The following KHDRBS2 variants were observed in gnomAD, a reference collection of about 807,000 sequenced individuals.
KHDRBS2 encodes the protein KH RNA binding domain containing, signal transduction associated 2.
A neutral mutation model predicts 44.3 loss-of-function variants in KHDRBS2; 26 were observed. That is an observed-to-expected ratio of 0.59 (90% CI 0.43 to 0.81). The LOEUF (loss-of-function observed/expected upper bound fraction) is 0.81, where lower values mean the gene tolerates loss of function less well. KHDRBS2 is among the 40% of genes least tolerant of loss of function. The pLI, the probability that KHDRBS2 is intolerant of heterozygous loss-of-function variation, is 0.00. For missense variants in KHDRBS2, 476 were observed against 433.1 expected, an observed-to-expected ratio of 1.10 and a Z score of -0.88; for synonymous variants, 194 against 151.1, an observed-to-expected ratio of 1.28 and a Z score of -2.08.
At chr6:61,770,598 G>A (rs1225197079) in intron 6 of KHDRBS2, among the ~76,000 whole-genome samples, 4 of 152,130 alleles carry the variant, frequency 2.6e-5, no homozygotes, top group African/African-American at 4.8e-5. Flanking sequence ...GATGGAAGAC[G>A]AAATGAATGA....
At chr6:61,814,075 G>A (rs1334302630) in intron 6 of KHDRBS2, 1 of 455,728 alleles carries the variant, frequency 2.2e-6, no homozygotes, top group African/African-American at 2.0e-5. Context: ...ATGAAGCTGT[G>A]GCTGAAAATT....
rs541632514 is a variant in KHDRBS2 at position 62,229,917 on chromosome 6, A to G, written c.92-52605T>C. 7.9e-5 allele frequency among the ~76,000 whole-genome samples: 12 copies of G among 152,220 alleles called. No homozygotes were observed. In the East Asian group the frequency reaches 2.3e-3, roughly 29 times the overall value. On this transcript the variant is annotated intron_variant, in intron 1 of 8. Coordinates refer to ENST00000281156, the MANE Select transcript of KHDRBS2 (RefSeq NM_152688.4). ...TGGTTCTTTTTGATGGGAGCCTCCAATCTCTGCTGCTTCTAATGGGCCACC... is the reference window on the plus strand; with the variant it reads ...TGGTTCTTTTTGATGGGAGCCTCCAGTCTCTGCTGCTTCTAATGGGCCACC...
intron 4 of KHDRBS2, among the ~76,000 whole-genome samples, chr6:61,905,461 AT>A (rs1804804022): frequency 6.6e-6 from 1 of 152,194 alleles, no homozygotes; most frequent in African/African-American, 2.4e-5. Flanking sequence ...AAAAAAAAAA[AT>A]TGAAGGTGGA....
chr6:62,281,625 T>C (rs1841818025), intron 1 of KHDRBS2, among the ~76,000 whole-genome samples: 1 of 152,062 alleles, frequency 6.6e-6, no homozygotes, highest in Non-Finnish European at 1.5e-5. Context: ...GTCTCAAAAA[T>C]AAAATAAAAT....
chr6:61,551,996 A>G, the KHDRBS2 span, among the ~76,000 whole-genome samples: 205 of 152,052 alleles, frequency 1.3e-3, no homozygotes, highest in Middle Eastern at 0.02. Context: ...TAATTTTTGT[A>G]CATGGATTTT....
chr6:61,973,697 A>G (rs1360997667), intron 4 of KHDRBS2, among the ~76,000 whole-genome samples: 2 of 151,340 alleles, frequency 1.3e-5, no homozygotes, highest in Non-Finnish European at 1.5e-5. Context: ...ACACGTTTAC[A>G]TAAGTATATA....
chr6:62,063,317 A>T (rs143267396), intron 2 of KHDRBS2, among the ~76,000 whole-genome samples: 3,274 of 151,226 alleles, frequency 0.022, 127 homozygotes, highest in African/African-American at 0.074. Flanking sequence ...CCGGGCAGAG[A>T]CACAACCGAA....
intron 6 of KHDRBS2, among the ~76,000 whole-genome samples, chr6:61,746,763 A>C (rs1436403164): frequency 2.0e-5 from 3 of 152,116 alleles, no homozygotes; most frequent in Non-Finnish European, 4.4e-5. Context: ...AAAACCCCAA[A>C]CCATAAAAAC....
At chr6:61,641,786 G>C in the KHDRBS2 span, among the ~76,000 whole-genome samples, 1 of 152,118 alleles carries the variant, frequency 6.6e-6, no homozygotes, top group African/African-American at 2.4e-5. Flanking sequence ...CTGATAGAAA[G>C]AATATTAAAA....
intron 6 of KHDRBS2, among the ~76,000 whole-genome samples, chr6:61,840,572 C>CTA (rs1793453952): frequency 6.6e-6 from 1 of 152,092 alleles, no homozygotes; most frequent in African/African-American, 2.4e-5. Flanking sequence ...TCTAACTAGC[C>CTA]TATCTAAGCT....
intron 6 of KHDRBS2, among the ~76,000 whole-genome samples, chr6:61,826,198 A>T (rs1232901767): frequency 1.3e-5 from 2 of 152,024 alleles, no homozygotes; most frequent in Non-Finnish European, 2.9e-5. Context: ...TGCTTCCCAT[A>T]GTTAAAATTT....
At chr6:62,062,335 G>A (rs930135650) in intron 2 of KHDRBS2, among the ~76,000 whole-genome samples, 4 of 141,566 alleles carry the variant, frequency 2.8e-5, no homozygotes, top group Admixed American at 7.3e-5. Context: ...ATTTTTTTCA[G>A]CACCACACCA....
chr6:62,022,198 A>T (rs1782476815), intron 3 of KHDRBS2, among the ~76,000 whole-genome samples: 1 of 151,676 alleles, frequency 6.6e-6, no homozygotes, highest in Admixed American at 6.6e-5. Flanking sequence ...ATTAAAAGTA[A>T]AAAAATGTTT....
chr6:61,689,345 T>C (rs1418937410), intron 8 of KHDRBS2, among the ~76,000 whole-genome samples: 1 of 151,990 alleles, frequency 6.6e-6, no homozygotes, highest in Non-Finnish European at 1.5e-5. Flanking sequence ...GAAAAATTAT[T>C]AAACTTGATA....
At chr6:61,585,723 G>C in the KHDRBS2 span, among the ~76,000 whole-genome samples, 7 of 151,908 alleles carry the variant, frequency 4.6e-5, no homozygotes, top group Non-Finnish European at 1.0e-4. Context: ...TCTATCTCTT[G>C]GGAACAGCAC....
the KHDRBS2 span, among the ~76,000 whole-genome samples, chr6:61,602,738 A>G: frequency 6.6e-5 from 10 of 152,098 alleles, no homozygotes; most frequent in East Asian, 1.7e-3. Flanking sequence ...TGCCTCCATA[A>G]CTGTTGTGGG....
At chr6:61,795,139 C>G (rs1405853017) in intron 6 of KHDRBS2, among the ~76,000 whole-genome samples, 2 of 117,692 alleles carry the variant, frequency 1.7e-5, no homozygotes, top group African/African-American at 3.5e-5. Flanking sequence ...AGCGAGACTC[C>G]GTCTCAAAAA....
chr6:61,954,300 T>C (rs1227122309), intron 4 of KHDRBS2, among the ~76,000 whole-genome samples: 4 of 151,490 alleles, frequency 2.6e-5, no homozygotes, highest in South Asian at 2.1e-4. Context: ...CATATACACA[T>C]ATATATACAT....
chr6:61,756,815 T>C (rs1233852837), intron 6 of KHDRBS2, among the ~76,000 whole-genome samples: 2 of 152,218 alleles, frequency 1.3e-5, no homozygotes, highest in Admixed American at 1.3e-4. Context: ...GATGAACATA[T>C]TAAGCATCCC....
Sources: gnomAD v4.1 joint callset for allele counts (sites outside exome capture counted in the v4.1 genomes callset) on GRCh38, gnomAD v4.1.1 for gene constraint, MANE v1.5 for transcripts, NCBI Gene and HGNC (gene_info 2026-07-23, HGNC 2026-07-21) for gene names.